Variants in TONSL observed in about 807,000 individuals in gnomAD.
The protein encoded by TONSL is tonsoku-like protein.
TONSL carries 112 observed loss-of-function variants against 147.1 expected under a neutral mutation model. That is an observed-to-expected ratio of 0.76 (90% CI 0.65 to 0.89). The LOEUF is 0.89. Among genes scored for constraint, TONSL ranks in the 40% least tolerant of loss-of-function variants. TONSL has a pLI of 0.00. For missense variants in TONSL, 1,883 were observed against 1,864.6 expected (o/e 1.01, Z -0.18); for synonymous variants, 868 against 801.5 (o/e 1.08, Z -1.40).
At position 144,438,403 on chromosome 8, in the gene TONSL, G is replaced by A. The variant is rs1283724318; in HGVS notation, c.1653+68C>T. 18 of 1,528,416 alleles carry A rather than the reference G, an allele frequency of 1.2e-5. No individual in the cohort carries two copies. In the East Asian group the frequency reaches 3.4e-4, roughly 29 times the overall value. 94.7% of individuals were successfully genotyped at this position (1,528,416 alleles called of 1,614,324 possible). On this transcript the variant is annotated intron_variant, in intron 13 of 25. Coordinates refer to ENST00000409379, the MANE Select transcript of TONSL (RefSeq NM_013432.5). ...GGAAGTTGAGAGTTACAGAGATAGG[G>A]GATCCGGCACAAACGCACAGCTCCT...
chr8:144,443,390 C>G, intron 3 of TONSL, 69 bp from the exon 4 acceptor site: 1 of 1,437,766 alleles, frequency 7.0e-7, no homozygotes, highest in African/African-American at 1.4e-5. Flanking sequence ...GCCAGATTCC[C>G]AGAGACCCTG....
chr8:144,435,426 C>A (rs1823402456), intron 18 of TONSL, 48 bp downstream of exon 18: 3 of 1,451,062 alleles, frequency 2.1e-6, no homozygotes, highest in East Asian at 2.5e-5. Context: ...AGCACCCTGG[C>A]ATGGAGCTGC....
intron 22 of TONSL, chr8:144,432,686 T>C (rs1472390820): frequency 4.4e-6 from 2 of 451,944 alleles, no homozygotes; most frequent in East Asian, 7.3e-5. Context: ...CAACTTGCCC[T>C]CTCCCACCCC....
Position 144,429,148 on chromosome 8 carries a change from G to A in TONSL, c.4132C>T (p.Leu1378Phe), listed in dbSNP as rs1192075710. The A allele has an allele frequency of 2.6e-6, 4 of 1,528,856 alleles. No homozygotes were observed. Among genetic ancestry groups the A allele is most frequent in the South Asian group, 1.2e-5 (1 of 83,524 alleles). The allele number at this position is 1,528,856 out of a possible 1,614,324, so 94.7% of individuals were successfully genotyped here. A position where few individuals can be genotyped will look rare whatever the true frequency, so the allele number is the denominator to read the frequency against. ...GGGGAAAGGCAGCGCCAGGGTCAGA[G>A]GCGCCGAAAGAAGAGCTTGGAGCCG... ...DHGSKLFFRR[L>F] The change falls in exon 26 of 26, where the codon CTC becomes TTC. Residue 1378 changes from leucine (L) to phenylalanine (F), a missense_variant. Coordinates refer to ENST00000409379, the MANE Select transcript of TONSL (RefSeq NM_013432.5).
chr8:144,429,077 C>A lies in TONSL; in HGVS notation c.*66G>T. ...GTGTTGGGATTACAGGCGTGAGCCA[C>A]CGCGCCCGGCCAGCAGCTTCATTTA... On this transcript the variant is annotated 3_prime_UTR_variant, in exon 26 of 26. Coordinates refer to ENST00000409379, the MANE Select transcript of TONSL (RefSeq NM_013432.5). The A allele has an allele frequency of 6.9e-7, 1 of 1,446,038 alleles. No homozygotes were observed. The highest frequency in any genetic ancestry group is 9.1e-7 in the Non-Finnish European group (1 of 1,102,106). 89.6% of individuals were successfully genotyped at this position (1,446,038 alleles called of 1,614,324 possible). A position where few individuals can be genotyped will look rare whatever the true frequency, so the allele number is the denominator to read the frequency against.
chr8:144,438,900 G>A, intron 11 of TONSL, 165 bp from the exon 12 acceptor site: 1 of 691,890 alleles, frequency 1.4e-6, no homozygotes, highest in African/African-American at 1.8e-5. Context: ...AATGGTCCCA[G>A]CGCTGCCTCC....
chr8:144,436,629 T>C lies in TONSL; in HGVS notation c.1943A>G (p.Asp648Gly). The change falls in exon 16 of 26, where the codon GAC becomes GGC. Residue 648 changes from aspartate (D) to glycine (G), a missense_variant. Coordinates refer to ENST00000409379, the MANE Select transcript of TONSL (RefSeq NM_013432.5). ...LQQWVKLYRR[D>G]LDLETRQKAR... Reference sequence around the variant, plus strand: ...CTTCTGCCGCGTCTCCAGGTCCAGGTCCCTGCGGTACAGCTTCACCCACTG... The same window carrying C: ...CTTCTGCCGCGTCTCCAGGTCCAGGCCCCTGCGGTACAGCTTCACCCACTG... 6.2e-7 allele frequency: 1 copy of C among 1,612,180 alleles called. No homozygotes were observed.
chr8:144,441,418 TC>T (rs1823713208), intron 7 of TONSL: 1 of 287,024 alleles, frequency 3.5e-6, no homozygotes, highest in African/African-American at 2.1e-5. Flanking sequence ...TGGTGAAACC[TC>T]GTCTCTACTA....
intron 7 of TONSL, 92 bp from the exon 8 acceptor site, chr8:144,441,203 C>A (rs527487564): frequency 6.6e-7 from 1 of 1,506,812 alleles, no homozygotes; most frequent in South Asian, 1.2e-5. Flanking sequence ...GGTGGCCCCC[C>A]CACTCTCTCC....
intron 20 of TONSL, 114 bp from the exon 21 acceptor site, chr8:144,434,393 T>G: frequency 1.1e-6 from 1 of 946,810 alleles, no homozygotes; most frequent in Non-Finnish European, 1.5e-6. Flanking sequence ...CCCACCAGAC[T>G]TGCTGTAGAG....
Position 144,440,219 on chromosome 8 carries a change from C to T in TONSL, c.1291-9G>A. Reference sequence around the variant, plus strand: ...TGCTGCAAGACCTGCCTCTGAGGAGCAGAGGGATGCTCAGCTCAGGACTGG... The same window carrying T: ...TGCTGCAAGACCTGCCTCTGAGGAGTAGAGGGATGCTCAGCTCAGGACTGG... On this transcript the variant is annotated splice_polypyrimidine_tract_variant and intron_variant, in intron 10 of 25. Coordinates refer to ENST00000409379, the MANE Select transcript of TONSL (RefSeq NM_013432.5). 6.3e-7 allele frequency: 1 copy of T among 1,586,708 alleles called. No homozygotes were observed.
At position 144,434,464 on chromosome 8, in the gene TONSL, C is replaced by T. The variant is rs4925857; in HGVS notation, c.3086-185G>A. On this transcript the variant is annotated intron_variant, in intron 20 of 25. Coordinates refer to ENST00000409379, the MANE Select transcript of TONSL (RefSeq NM_013432.5). ...GGCCCTGGGGGCCGGGGTGGGTCTG[C>T]AGCACCCTGAGCTCCACCAGTCACT... 0.015 allele frequency among the ~76,000 whole-genome samples: 2,276 copies of T among 152,260 alleles called. 139 individuals carry two copies. In the East Asian group the frequency reaches 0.19, roughly 13 times the overall value.
At chr8:144,439,643 G>A (rs561729590) in intron 11 of TONSL, among the ~76,000 whole-genome samples, 11 of 152,308 alleles carry the variant, frequency 7.2e-5, no homozygotes, top group South Asian at 6.2e-4. Flanking sequence ...AGCTGATGTC[G>A]CCAGCCTCTG....
At position 144,442,324 on chromosome 8, in the gene TONSL, G is replaced by A. The variant is rs756343780; in HGVS notation, c.667C>T (p.Arg223Cys). Reference sequence around the variant, plus strand: ...CACTCCCGGGCACCCTCCAAGCAGCGCATAGCCTGGGAGTGCTGGCCCGCG... The same window carrying A: ...CACTCCCGGGCACCCTCCAAGCAGCACATAGCCTGGGAGTGCTGGCCCGCG... ...WRAGQHSQAMRCLEGARECAH... is the reference protein window; with the variant it reads ...WRAGQHSQAMCCLEGARECAH... The change falls in exon 6 of 26, where the codon CGC becomes TGC. Residue 223 changes from arginine to cysteine, a missense_variant. By Grantham distance (180) the Arg-to-Cys change is radical (BLOSUM62 -3). Coordinates refer to ENST00000409379, the MANE Select transcript of TONSL (RefSeq NM_013432.5). 25 of 1,598,186 alleles carry A rather than the reference G, an allele frequency of 1.6e-5. No individual in the cohort carries two copies. Among genetic ancestry groups the A allele is most frequent in the Admixed American group, 1.2e-4 (7 of 59,512 alleles).
At position 144,434,294 on chromosome 8, in the gene TONSL, T is replaced by C. The variant is rs1477252928; in HGVS notation, c.3086-15A>G. 8 of 1,499,748 alleles carry C rather than the reference T, an allele frequency of 5.3e-6. No homozygotes were observed. In the African/African-American group the frequency reaches 9.8e-5, roughly 18 times the overall value. The allele number at this position is 1,499,748 out of a possible 1,614,324, so 92.9% of individuals were successfully genotyped here. Reference sequence around the variant, plus strand: ...TTGGTGCTCCCCTGCGGGAGGGATGTGATGTCACCAGGGTAAGGCCGGCCC... The same window carrying C: ...TTGGTGCTCCCCTGCGGGAGGGATGCGATGTCACCAGGGTAAGGCCGGCCC... On this transcript the variant is annotated splice_polypyrimidine_tract_variant and intron_variant, in intron 20 of 25. Transcript: ENST00000409379.
intron 13 of TONSL, 54 bp downstream of exon 13, chr8:144,438,417 C>T (rs148222319): frequency 7.4e-5 from 116 of 1,572,604 alleles, no homozygotes; most frequent in Middle Eastern, 3.7e-4. Context: ...CCGGCACAAA[C>T]GCACAGCTCC....
chr8:144,432,598 G>T, intron 22 of TONSL, 138 bp from the exon 23 acceptor site: 1 of 841,488 alleles, frequency 1.2e-6, no homozygotes, highest in Non-Finnish European at 1.7e-6. Flanking sequence ...CAAGTGCAGA[G>T]GCAAAGGCTC....
chr8:144,431,224 A>G (rs1823174782), intron 23 of TONSL, 73 bp from the exon 24 acceptor site: 2 of 1,478,426 alleles, frequency 1.4e-6, no homozygotes, highest in East Asian at 2.3e-5. Flanking sequence ...CAGCAGGTGC[A>G]CCACACCCAG....
At chr8:144,442,551 G>C (rs576511828) in intron 5 of TONSL, 126 bp downstream of exon 5, 26 of 1,490,134 alleles carry the variant, frequency 1.7e-5, no homozygotes, top group Non-Finnish European at 2.3e-5. Context: ...GCACAGGTGT[G>C]AGAGGTGGGG....
Sources: gnomAD v4.1 joint callset for allele counts (sites outside exome capture counted in the v4.1 genomes callset) on GRCh38, gnomAD v4.1.1 for gene constraint, MANE v1.5 for transcripts, NCBI Gene and HGNC (gene_info 2026-07-23, HGNC 2026-07-21) for gene names.